PARP2: variants seen among roughly 807,000 people sequenced by gnomAD.
PARP2 encodes the protein poly(ADP-ribose) polymerase 2.
PARP2 carries 57 observed loss-of-function variants against 77.8 expected under a neutral mutation model. That is an observed-to-expected ratio of 0.73 (90% CI 0.59 to 0.91). The LOEUF (loss-of-function observed/expected upper bound fraction) is 0.91, where lower values mean the gene tolerates loss of function less well. Ranked by LOEUF, PARP2 falls within the 40% of genes least tolerant of loss-of-function variation. The pLI is 0.00. For synonymous variants in PARP2, 226 were observed against 242.6 expected, an observed-to-expected ratio of 0.93 and a Z score of 0.64; for missense variants, 651 against 689.0, an observed-to-expected ratio of 0.94 and a Z score of 0.62.
At chr14:20,351,189 A>T (rs1282407378) in intron 6 of PARP2, 67 bp downstream of exon 6, 8 of 1,293,698 alleles carry the variant, frequency 6.2e-6, no homozygotes, top group East Asian at 2.5e-5. Flanking sequence ...TCTCTAAAAA[A>T]TTTTTTTTTA....
At position 20,356,670 on chromosome 14, in the gene PARP2, C is replaced by T. The variant is rs1355400101; in HGVS notation, c.1310C>T (p.Ala437Val). The T allele has an allele frequency of 1.2e-6, 2 of 1,612,692 alleles. No individual in the cohort carries two copies. Among genetic ancestry groups the T allele is most frequent in the Non-Finnish European group, 1.7e-6 (2 of 1,178,800 alleles). The stretch of plus-strand genomic sequence containing the variant: ...GGGCTTCGAATTGCCCCACCTGAAG[C>T]TCCCATCACAGGTTACATGGTGAGT... The part of the protein sequence containing the change: ...SHGLRIAPPE[A>V]PITGYMFGKG... Residue 437 changes from alanine to valine, a missense_variant, in exon 13 of 16, where the codon GCT becomes GTT. Ala to Val is a moderately conservative substitution (Grantham distance 64). Transcript: ENST00000429687.
chr14:20,355,081 T>C, intron 9 of PARP2, 134 bp downstream of exon 9: 1 of 798,784 alleles, frequency 1.3e-6, no homozygotes, highest in Non-Finnish European at 2.0e-6. Context: ...AGAAACAAAA[T>C]GATATATAGG....
Position 20,354,825 on chromosome 14 carries a change from A to G in PARP2, c.780A>G (p.Ala260=). The part of the protein sequence containing the change: ...KKAPLGKLTV[A]QIKAGYQSLK... ...GGCCTGCAGGGAAGCTGACAGTGGC[A>G]CAAATCAAGGCAGGTTACCAGTCTC... The change falls in exon 9 of 16, where the codon GCA becomes GCG. Residue 260 remains alanine, a synonymous_variant. Coordinates refer to ENST00000429687, the MANE Select transcript of PARP2 (RefSeq NM_001042618.2). The G allele has an allele frequency of 6.2e-7, 1 of 1,613,300 alleles. No individual in the cohort carries two copies. Among genetic ancestry groups the G allele is most frequent in the Non-Finnish European group, 8.5e-7 (1 of 1,179,624 alleles).
At chr14:20,346,809 A>T in intron 3 of PARP2, 54 bp from the exon 4 acceptor site, 1 of 1,157,470 alleles carries the variant, frequency 8.6e-7, no homozygotes, top group Non-Finnish European at 1.3e-6. Flanking sequence ...CTCATTTAGG[A>T]TGTCAGGGCT....
chr14:20,343,649 C>CGCG lies in PARP2; in HGVS notation c.15_17dup (p.Arg7dup). On this transcript the variant is annotated inframe_insertion, in exon 1 of 16. Coordinates refer to ENST00000429687, the MANE Select transcript of PARP2 (RefSeq NM_001042618.2). ...CGTCAGCGTTCGAATTCCATGGCGG[C>CGCG]GCGGCGGCGACGGAGCACCGGCGGC... The CGCG allele has an allele frequency of 6.2e-7, 1 of 1,609,998 alleles. No individual in the cohort carries two copies. The highest frequency in any genetic ancestry group is 8.5e-7 in the Non-Finnish European group (1 of 1,178,894).
In PARP2 at chr14:20,345,429, C is replaced by G. The variant is rs746511446; in HGVS notation, c.238C>G (p.Pro80Ala). The G allele has an allele frequency of 1.2e-5, 20 of 1,614,000 alleles. No individual in the cohort carries two copies. Among genetic ancestry groups the G allele is most frequent in the Middle Eastern group, 1.7e-4 (1 of 6,060 alleles). ...VKALLLKGKA[P>A]VDPECTAKVG... ...GGCCTTGCTGTTAAAGGGCAAAGCT[C>G]CTGTGGACCCAGAGTGTACAGCCAA... The change falls in exon 3 of 16, where the codon CCT becomes GCT. Residue 80 changes from proline (P) to alanine (A), a missense_variant. Pro to Ala is a conservative substitution (Grantham distance 27). Coordinates refer to ENST00000429687, the MANE Select transcript of PARP2 (RefSeq NM_001042618.2).
At chr14:20,347,450 C>T (rs1367171872) in intron 4 of PARP2, among the ~76,000 whole-genome samples, 2 of 86,586 alleles carry the variant, frequency 2.3e-5, no homozygotes, top group Non-Finnish European at 4.2e-5. Context: ...GAGTCTTGCT[C>T]TGTCACCCAG....
chr14:20,354,019 G>C, intron 7 of PARP2, 66 bp from the exon 8 acceptor site: 1 of 1,204,716 alleles, frequency 8.3e-7, no homozygotes, highest in Non-Finnish European at 1.2e-6. Flanking sequence ...TATAATATTG[G>C]GTGTTATAAG....
chr14:20,349,895 C>CT (rs1883896732), intron 4 of PARP2, among the ~76,000 whole-genome samples: 1 of 152,186 alleles, frequency 6.6e-6, no homozygotes, highest in Non-Finnish European at 1.5e-5. Flanking sequence ...TCTCTTCACT[C>CT]TGAGTGATTT....
In PARP2 at chr14:20,355,829, G is replaced by T; in HGVS notation, c.966+14G>T. On this transcript the variant is annotated intron_variant, in intron 10 of 15. Coordinates refer to ENST00000429687, the MANE Select transcript of PARP2 (RefSeq NM_001042618.2). ...CAATTACTAGAGGTGAGATATGTAT[G>T]ATTTGAGAAGTATTATATCCCTTAT... is the stretch of plus-strand genomic sequence containing the variant. The T allele has an allele frequency of 6.2e-7, 1 of 1,613,136 alleles. No individual in the cohort carries two copies.
chr14:20,347,354 G>GTGTGTGTATATATATATA (rs1435294191), intron 4 of PARP2, among the ~76,000 whole-genome samples: 1 of 43,956 alleles, frequency 2.3e-5, no homozygotes, highest in Non-Finnish European at 3.5e-5. Context: ...ATATGTGTGT[G>GTGTGTGTATATATATATA]TGTATATATA....
chr14:20,349,558 A>G (rs1414000217), intron 4 of PARP2, among the ~76,000 whole-genome samples: 1 of 151,962 alleles, frequency 6.6e-6, no homozygotes, highest in Admixed American at 6.6e-5. Flanking sequence ...CTGTAATCCC[A>G]GCTACTAGGG....
At position 20,356,030 on chromosome 14, in the gene PARP2, A is replaced by G. The variant is rs757840139; in HGVS notation, c.1100A>G (p.Lys367Arg). The G allele has an allele frequency of 2.9e-5, 47 of 1,613,222 alleles. No individual in the cohort carries two copies. Among genetic ancestry groups the G allele is most frequent in the Admixed American group, 5.0e-5 (3 of 59,814 alleles). ...RPLDHESYEF[K>R]VISQYLQSTH... Reference sequence around the variant, plus strand: ...CTTGACCATGAAAGTTATGAGTTCAAAGTAAGAAAAATGATCATTTATTTT... The same window carrying G: ...CTTGACCATGAAAGTTATGAGTTCAGAGTAAGAAAAATGATCATTTATTTT... Residue 367 changes from lysine to arginine, a missense_variant and splice_region_variant, in exon 11 of 16, where the codon AAA (lysine) becomes AGA (arginine). Coordinates refer to ENST00000429687, the MANE Select transcript of PARP2 (RefSeq NM_001042618.2).
chr14:20,353,433 C>T (rs1349632900), intron 7 of PARP2, among the ~76,000 whole-genome samples: 5 of 151,344 alleles, frequency 3.3e-5, no homozygotes, highest in Admixed American at 6.6e-5. Flanking sequence ...TTAGTAGAGA[C>T]GGGGTTTCAC....
rs757428214 is a variant in PARP2, at chr14:20,357,425, A to G, written c.1458A>G (p.Leu486=). Residue 486 remains leucine, a synonymous_variant, in exon 15 of 16, where the codon CTA becomes CTG. Coordinates refer to ENST00000429687, the MANE Select transcript of PARP2 (RefSeq NM_001042618.2). ...EVALGQCNEL[L]EANPKAEGLL... is the part of the protein sequence containing the mutation. Reference sequence around the variant, plus strand: ...CTCTAGGTCAGTGTAATGAACTACTAGAGGCCAATCCTAAGGCCGAAGGAT... The same window carrying G: ...CTCTAGGTCAGTGTAATGAACTACTGGAGGCCAATCCTAAGGCCGAAGGAT... The G allele has an allele frequency of 6.2e-7, 1 of 1,613,154 alleles. No individual in the cohort carries two copies. The highest frequency in any genetic ancestry group is 1.1e-5 in the South Asian group (1 of 91,022).
chr14:20,348,918 T>C (rs1883862520), intron 4 of PARP2, among the ~76,000 whole-genome samples: 1 of 150,892 alleles, frequency 6.6e-6, no homozygotes, highest in African/African-American at 2.4e-5. Context: ...ACTCGGGAGG[T>C]TGAGGCACGA....
chr14:20,344,712 C>T (rs1883642566), intron 1 of PARP2, among the ~76,000 whole-genome samples: 1 of 152,166 alleles, frequency 6.6e-6, no homozygotes, highest in South Asian at 2.1e-4. Context: ...ACTCAGGAGG[C>T]TGAGGCACGA....
chr14:20,355,055 C>G, intron 9 of PARP2, 108 bp downstream of exon 9: 1 of 1,060,632 alleles, frequency 9.4e-7, no homozygotes, highest in East Asian at 2.5e-5. Context: ...AGAAAATGAT[C>G]GTCTTGAATA....
At position 20,354,960 on chromosome 14, in the gene PARP2, C is replaced by G; in HGVS notation, c.902+13C>G. ...CGCATGACTTTGGGTAAGGCCTGTG[C>G]TGTTACTTCACTTTGTTCTTCTACC... is the stretch of plus-strand genomic sequence containing the variant. On this transcript the variant is annotated intron_variant, in intron 9 of 15. Transcript: ENST00000429687. The G allele has an allele frequency of 6.2e-7, 1 of 1,605,718 alleles. No homozygotes were observed. Among genetic ancestry groups the G allele is most frequent in the Non-Finnish European group, 8.5e-7 (1 of 1,176,432 alleles).
Sources: gnomAD v4.1 joint callset for allele counts (sites outside exome capture counted in the v4.1 genomes callset) on GRCh38, gnomAD v4.1.1 for gene constraint, MANE v1.5 for transcripts, NCBI Gene and HGNC (gene_info 2026-07-23, HGNC 2026-07-21) for gene names.